Variants in THEMIS observed in about 807,000 individuals in gnomAD.
The protein encoded by THEMIS is protein THEMIS.
A neutral mutation model predicts 52.6 loss-of-function variants in THEMIS; 37 were observed. The observed-to-expected ratio is 0.70, with a 90% CI of 0.54 to 0.93. The LOEUF (loss-of-function observed/expected upper bound fraction) is 0.93, where lower values mean the gene tolerates loss of function less well. Among genes scored for constraint, THEMIS ranks in the 40% least tolerant of loss-of-function variants. The pLI is 0.00. For synonymous variants in THEMIS, 292 were observed against 272.7 expected, an observed-to-expected ratio of 1.07 and a Z score of -0.70; for missense variants, 808 against 763.1, an observed-to-expected ratio of 1.06 and a Z score of -0.69.
Position 127,908,572 on chromosome 6 carries a change from T to C in THEMIS, c.-149-7491A>G, listed in dbSNP as rs552334433. On this transcript the variant is annotated intron_variant, in intron 1 of 6. Coordinates refer to the THEMIS transcript ENST00000368250. ...GTGAATGTTGGTGTTACCGTATGAA[T>C]TATGCCCTGACATTTTCCCTTGCTG... 2.0e-5 allele frequency among the ~76,000 whole-genome samples: 3 copies of C among 152,250 alleles called. No homozygotes were observed. In the East Asian group the frequency reaches 5.8e-4, roughly 29 times the overall value.
At chr6:127,877,715 T>G (rs1037998397) in intron 1 of THEMIS, among the ~76,000 whole-genome samples, 3 of 152,092 alleles carry the variant, frequency 2.0e-5, no homozygotes, top group Admixed American at 1.3e-4. Flanking sequence ...TTACAACAAA[T>G]ATACTAATGA....
chr6:127,736,053 A>G (rs1774994035), intron 4 of THEMIS, among the ~76,000 whole-genome samples: 1 of 152,218 alleles, frequency 6.6e-6, no homozygotes, highest in African/African-American at 2.4e-5. Flanking sequence ...TTTACCATCC[A>G]TCACGGATTT....
chr6:127,848,681 A>T (rs1779310097), intron 2 of THEMIS, among the ~76,000 whole-genome samples: 2 of 152,082 alleles, frequency 1.3e-5, no homozygotes, highest in Non-Finnish European at 2.9e-5. Flanking sequence ...GCCAGTGATG[A>T]TGAACATTTT....
upstream of THEMIS, among the ~76,000 whole-genome samples, chr6:127,902,342 A>T (rs9375540): frequency 0.057 from 8,570 of 150,002 alleles, 794 homozygotes; most frequent in East Asian, 0.37. Flanking sequence ...AAAAAAAAAA[A>T]AAATAAAGAA....
chr6:127,810,337 T>C (rs979255608), intron 4 of THEMIS, among the ~76,000 whole-genome samples: 6 of 152,186 alleles, frequency 3.9e-5, no homozygotes, highest in Non-Finnish European at 5.9e-5. Context: ...CCAACTGCTA[T>C]GGTTTAAATA....
At chr6:127,776,082 C>A (rs1436293762) in intron 4 of THEMIS, among the ~76,000 whole-genome samples, 2 of 152,246 alleles carry the variant, frequency 1.3e-5, no homozygotes, top group East Asian at 1.9e-4. Context: ...TAACGGGGGA[C>A]TTTTTCTGTA....
chr6:127,745,593 C>G (rs530849702), intron 4 of THEMIS, among the ~76,000 whole-genome samples: 2 of 151,730 alleles, frequency 1.3e-5, no homozygotes, highest in Non-Finnish European at 3.0e-5. Context: ...GGGTCCAGTT[C>G]TATTTCAACA....
At chr6:127,704,203 T>A (rs999569905), downstream of THEMIS, among the ~76,000 whole-genome samples, 4 of 152,164 alleles carry the variant, frequency 2.6e-5, no homozygotes, top group Admixed American at 6.5e-5. Context: ...CAGCATTTAG[T>A]AAGGCTTTTG....
At chr6:127,782,600 G>T (rs1341176170) in intron 4 of THEMIS, among the ~76,000 whole-genome samples, 2 of 152,168 alleles carry the variant, frequency 1.3e-5, no homozygotes, top group African/African-American at 4.8e-5. Context: ...GCCCCGCCCT[G>T]CTTTGGCTTG....
chr6:127,703,993 G>A (rs1773767552), downstream of THEMIS, among the ~76,000 whole-genome samples: 1 of 152,140 alleles, frequency 6.6e-6, no homozygotes, highest in African/African-American at 2.4e-5. Context: ...CATGGCAGGA[G>A]GGAGCAAGGA....
intron 4 of THEMIS, among the ~76,000 whole-genome samples, chr6:127,759,856 C>CTCCCTCCTTCCT (rs1775961356): frequency 8.4e-6 from 1 of 119,360 alleles, no homozygotes; most frequent in Non-Finnish European, 1.7e-5. Context: ...CCCTCCCTCC[C>CTCCCTCCTTCCT]TCCTTCCTTC....
At chr6:127,802,527 T>C (rs1777570261) in intron 4 of THEMIS, among the ~76,000 whole-genome samples, 1 of 141,878 alleles carries the variant, frequency 7.0e-6, no homozygotes, top group South Asian at 2.2e-4. Context: ...GCTCTGGCAT[T>C]GGCTAATTAA....
chr6:127,795,630 C>T (rs1777305754), intron 4 of THEMIS, among the ~76,000 whole-genome samples: 1 of 152,106 alleles, frequency 6.6e-6, no homozygotes, highest in African/African-American at 2.4e-5. Context: ...GCCCGGCCAC[C>T]AGACTTTTTT....
At chr6:127,792,058 A>C (rs1055190626) in intron 4 of THEMIS, among the ~76,000 whole-genome samples, 3 of 152,044 alleles carry the variant, frequency 2.0e-5, no homozygotes, top group Admixed American at 2.0e-4. Flanking sequence ...AGCTCCTCCA[A>C]CTTGGAAGGG....
At chr6:127,723,195 AC>A (rs1246565735) in intron 4 of THEMIS, among the ~76,000 whole-genome samples, 1 of 151,588 alleles carries the variant, frequency 6.6e-6, no homozygotes, top group Non-Finnish European at 1.5e-5. Flanking sequence ...TATATCCATC[AC>A]CCCTTTGCTC....
chr6:127,914,622 T>C lies in THEMIS; in HGVS notation c.-150+3806A>G, dbSNP rs187959807. ...TGGTGTTTTTGTGTCTAGACATATC[T>C]AAACATAGAAAAAGGCACAGTGTAA... On this transcript the variant is annotated intron_variant, in intron 1 of 6. Coordinates refer to the THEMIS transcript ENST00000368250. Among the ~76,000 whole-genome samples, 12 of 152,326 alleles carry C rather than the reference T, an allele frequency of 7.9e-5. No individual in the cohort carries two copies. The East Asian group carries it at 2.3e-3, about 29-fold the overall frequency.
At chr6:127,770,548 CA>C (rs1302806712) in intron 4 of THEMIS, among the ~76,000 whole-genome samples, 1 of 152,072 alleles carries the variant, frequency 6.6e-6, no homozygotes, top group Non-Finnish European at 1.5e-5. Flanking sequence ...GGGTAGATTG[CA>C]AAAATTTTCT....
rs371246428 is a variant in THEMIS at position 127,784,998 on chromosome 6, TC to T, written c.1758+27884del. On this transcript the variant is annotated intron_variant, in intron 4 of 5. Coordinates refer to ENST00000368248, the MANE Select transcript of THEMIS (RefSeq NM_001010923.3). ...ATCTATCTATCTATCTATCTATCTA[TC>T]TATCTATTATCTATCTATCTATCTA... Among the ~76,000 whole-genome samples the T allele has an allele frequency of 8.5e-5, 10 of 117,348 alleles. 1 individual carries two copies. Among genetic ancestry groups the T allele is most frequent in the East Asian group, 2.3e-4 (1 of 4,444 alleles). The allele number at this position is 117,348 out of a possible 152,430, so 77.0% of individuals were successfully genotyped here.
At chr6:127,834,035 T>G (rs1583330279) in intron 2 of THEMIS, among the ~76,000 whole-genome samples, 1 of 152,206 alleles carries the variant, frequency 6.6e-6, no homozygotes, top group South Asian at 2.1e-4. Context: ...GTGTCAATTA[T>G]AGATCACTGA....
Sources: allele counts gnomAD v4.1 joint callset (sites outside exome capture counted in the v4.1 genomes callset), GRCh38; gene constraint gnomAD v4.1.1; transcripts MANE v1.5; gene names NCBI Gene and HGNC (gene_info 2026-07-23, HGNC 2026-07-21).